GTF2F2: variants seen among roughly 807,000 people sequenced by gnomAD.
GTF2F2 encodes the protein ATP-dependent helicase GTF2F2.
Under a neutral mutation model 42.2 loss-of-function variants are expected in GTF2F2, and 23 were observed. The ratio of observed to expected loss-of-function variants is 0.55; its 90% CI spans 0.39 to 0.77. The LOEUF is 0.77. Among genes scored for constraint, GTF2F2 ranks in the 30% least tolerant of loss-of-function variants. The pLI, the probability that GTF2F2 is intolerant of heterozygous loss-of-function variation, is 0.00. For synonymous variants in GTF2F2, 105 were observed against 100.8 expected, an observed-to-expected ratio of 1.04 and a Z score of -0.25; for missense variants, 261 against 287.2, an observed-to-expected ratio of 0.91 and a Z score of 0.66.
intron 5 of GTF2F2, among the ~76,000 whole-genome samples, chr13:45,244,868 C>T (rs1309686194): frequency 1.3e-5 from 2 of 152,104 alleles, no homozygotes; most frequent in Admixed American, 1.3e-4. Flanking sequence ...AACGGAGTTT[C>T]ATCATGTTGG....
chr13:45,251,953 T>G (rs1408269762), intron 5 of GTF2F2, among the ~76,000 whole-genome samples: 3 of 152,282 alleles, frequency 2.0e-5, no homozygotes, highest in African/African-American at 7.2e-5. Context: ...CTTAAAACAG[T>G]TTTTTAAATT....
chr13:45,263,515 A>C (rs530936069), intron 6 of GTF2F2, among the ~76,000 whole-genome samples: 27 of 152,186 alleles, frequency 1.8e-4, no homozygotes, highest in Middle Eastern at 3.2e-3. Context: ...GGCGTGAGCC[A>C]CCGCACCTGG....
At chr13:45,172,059 T>C (rs539006827) in intron 4 of GTF2F2, among the ~76,000 whole-genome samples, 9 of 152,316 alleles carry the variant, frequency 5.9e-5, no homozygotes, top group African/African-American at 9.6e-5. Flanking sequence ...CTGCTATGAA[T>C]ATTTGTGTAC....
Position 45,191,224 on chromosome 13 carries a change from A to AAAAAAAAAAAATATATAT in GTF2F2, c.305-16199_305-16198insAAAAAAAAAATATATATA. On this transcript the variant is annotated intron_variant, in intron 4 of 7. Coordinates refer to ENST00000340473, the MANE Select transcript of GTF2F2 (RefSeq NM_004128.3). ...GTCTCTACTAAAAATACAAAAAAAA[A>AAAAAAAAAAAATATATAT]ATATATATATATATATATATATATA... 5.8e-4 allele frequency among the ~76,000 whole-genome samples: 44 copies of AAAAAAAAAAAATATATAT among 75,284 alleles called. 1 individual carries two copies. Among genetic ancestry groups the AAAAAAAAAAAATATATAT allele is most frequent in the Non-Finnish European group, 7.1e-4 (32 of 45,128 alleles). The allele number at this position is 75,284 out of a possible 152,430, so 49.4% of individuals were successfully genotyped here.
In GTF2F2 at chr13:45,252,859, A is replaced by T. The variant is rs1284410691; in HGVS notation, c.387-12A>T. 17 of 1,206,524 alleles carry T rather than the reference A, an allele frequency of 1.4e-5. No homozygotes were observed. The highest frequency in any genetic ancestry group is 1.9e-5 in the Non-Finnish European group (16 of 854,894). The allele number at this position is 1,206,524 out of a possible 1,614,324, so 74.7% of individuals were successfully genotyped here. ...AACAAGAGTGTTAATAATGCCTTAT[A>T]TTTTTTTTCAGATTGCAAATAGAAG... On this transcript the variant is annotated splice_polypyrimidine_tract_variant and intron_variant, in intron 5 of 7. Coordinates refer to ENST00000340473, the MANE Select transcript of GTF2F2 (RefSeq NM_004128.3).
At chr13:45,164,122 A>C (rs1292419328) in intron 4 of GTF2F2, among the ~76,000 whole-genome samples, 1 of 152,186 alleles carries the variant, frequency 6.6e-6, no homozygotes, top group African/African-American at 2.4e-5. Flanking sequence ...TCTACTAAAA[A>C]TACAAAAATT....
intron 5 of GTF2F2, among the ~76,000 whole-genome samples, chr13:45,218,089 A>G (rs904603938): frequency 9.9e-5 from 15 of 152,242 alleles, no homozygotes; most frequent in African/African-American, 3.4e-4. Flanking sequence ...ACTGAAATTA[A>G]ACCATTTATA....
chr13:45,194,122 TGG>T, intron 4 of GTF2F2: 1 of 1,614,014 alleles, frequency 6.2e-7, no homozygotes, highest in Non-Finnish European at 8.5e-7. Context: ...TGAACGATCG[TGG>T]TTATCTGTTA....
At chr13:45,162,660 T>C (rs1871094956) in intron 4 of GTF2F2, among the ~76,000 whole-genome samples, 2 of 152,218 alleles carry the variant, frequency 1.3e-5, no homozygotes, top group Admixed American at 6.5e-5. Flanking sequence ...CAGGTATTCA[T>C]GCATAAATAT....
At position 45,284,730 on chromosome 13, in the gene GTF2F2, A is replaced by G. The variant is rs920260278; in HGVS notation, c.*1169A>G. ...GAAGGAGCAATGCCAAAAATTGAAGAAAATATTATATAATTAAAGCAAGAA... is the reference window on the plus strand; with the variant it reads ...GAAGGAGCAATGCCAAAAATTGAAGGAAATATTATATAATTAAAGCAAGAA... On this transcript the variant is annotated 3_prime_UTR_variant, in exon 8 of 8. Coordinates refer to ENST00000340473, the MANE Select transcript of GTF2F2 (RefSeq NM_004128.3). 6.6e-6 allele frequency: 1 copy of G among 152,230 alleles called. No homozygotes were observed. The highest frequency in any genetic ancestry group is 2.4e-5 in the African/African-American group (1 of 41,480). 9.4% of individuals were successfully genotyped at this position (152,230 alleles called of 1,614,324 possible).
chr13:45,156,710 C>T (rs770674317), intron 4 of GTF2F2, among the ~76,000 whole-genome samples: 12 of 152,012 alleles, frequency 7.9e-5, no homozygotes, highest in South Asian at 2.1e-4. Flanking sequence ...GAGTGGTTTC[C>T]GTGCTTTTTT....
At chr13:45,216,410 C>G (rs1873889966) in intron 5 of GTF2F2, among the ~76,000 whole-genome samples, 2 of 152,094 alleles carry the variant, frequency 1.3e-5, no homozygotes, top group African/African-American at 2.4e-5. Flanking sequence ...TCTCTTCTGC[C>G]TGGTCTCTTG....
intron 5 of GTF2F2, among the ~76,000 whole-genome samples, chr13:45,210,593 T>C (rs1443556984): frequency 6.6e-6 from 1 of 152,224 alleles, no homozygotes; most frequent in Non-Finnish European, 1.5e-5. Flanking sequence ...CAAAGTTTGT[T>C]TTTTTCTTTT....
In GTF2F2 at chr13:45,127,395, G is replaced by A. The variant is rs184289866; in HGVS notation, c.66+6674G>A. ...GGCTGGAGTGAAGTGCTGTGAATTC[G>A]GCTCACTGCAACCTCTGCCTCCTGG... On this transcript the variant is annotated intron_variant, in intron 1 of 7. Transcript: ENST00000340473. 2.3e-3 allele frequency among the ~76,000 whole-genome samples: 341 copies of A among 151,444 alleles called. 5 individuals carry two copies. Among genetic ancestry groups the A allele is most frequent in the African/African-American group, 7.8e-3 (321 of 41,208 alleles).
At position 45,219,017 on chromosome 13, in the gene GTF2F2, G is replaced by T. The variant is rs180750012; in HGVS notation, c.386+11512G>T. Among the ~76,000 whole-genome samples the T allele has an allele frequency of 6.3e-3, 957 of 151,880 alleles. 10 individuals carry two copies. Among genetic ancestry groups the T allele is most frequent in the African/African-American group, 0.022 (891 of 41,400 alleles). On this transcript the variant is annotated intron_variant, in intron 5 of 7. Transcript: ENST00000340473. ...AGTAGAGAAAGAGAAGATGTTGGGGGTTTTTTTGTTTTGTTTTGTTTTTTT... is the reference window on the plus strand; with the variant it reads ...AGTAGAGAAAGAGAAGATGTTGGGGTTTTTTTTGTTTTGTTTTGTTTTTTT...
intron 4 of GTF2F2, among the ~76,000 whole-genome samples, chr13:45,170,602 T>G (rs998213158): frequency 6.6e-6 from 1 of 152,176 alleles, no homozygotes; most frequent in African/African-American, 2.4e-5. Context: ...GAAACTGTCT[T>G]TCTGAGTAAA....
At chr13:45,179,304 G>C (rs1201962704) in intron 4 of GTF2F2, among the ~76,000 whole-genome samples, 1 of 152,164 alleles carries the variant, frequency 6.6e-6, no homozygotes, top group African/African-American at 2.4e-5. Flanking sequence ...AGATTTCTTT[G>C]ATGGGGTATC....
chr13:45,280,595 C>T (rs1487075692), intron 7 of GTF2F2, among the ~76,000 whole-genome samples: 1 of 152,184 alleles, frequency 6.6e-6, no homozygotes, highest in Non-Finnish European at 1.5e-5. Context: ...TGACTATGGT[C>T]ATCTCATTCC....
At chr13:45,153,972 G>A (rs1056676490) in intron 4 of GTF2F2, among the ~76,000 whole-genome samples, 6 of 99,656 alleles carry the variant, frequency 6.0e-5, no homozygotes, top group Non-Finnish European at 1.1e-4. Context: ...GGGAGACTCA[G>A]TCTCAAAAAA....
Sources: allele counts gnomAD v4.1 joint callset (sites outside exome capture counted in the v4.1 genomes callset), GRCh38; gene constraint gnomAD v4.1.1; transcripts MANE v1.5; gene names NCBI Gene and HGNC (gene_info 2026-07-23, HGNC 2026-07-21).